Variants in TARM1 observed in about 807,000 individuals in gnomAD.
The protein encoded by TARM1 is T-cell-interacting, activating receptor on myeloid cells protein 1.
TARM1 carries 24 observed loss-of-function variants against 30.4 expected under a neutral mutation model. That is an observed-to-expected ratio of 0.79 (90% CI 0.57 to 1.11). The LOEUF is 1.11. TARM1 is among the 50% of genes least tolerant of loss of function. TARM1 has a pLI of 0.00. For missense variants in TARM1, 323 were observed against 332.8 expected (o/e 0.97, Z 0.23); for synonymous variants, 129 against 138.9 (o/e 0.93, Z 0.50).
rs1196843209 is a variant in TARM1, at chr19:54,070,156, G to A, written c.663C>T (p.Pro221=). The A allele has an allele frequency of 6.4e-7, 1 of 1,551,406 alleles. No homozygotes were observed. Among genetic ancestry groups the A allele is most frequent in the Admixed American group, 2.0e-5 (1 of 50,950 alleles). ...AGTAGTTGCTCGATGTGGTACCTGGGGGAACTGAAAGAGAGAAGGGGCTCA... is the reference window on the plus strand; with the variant it reads ...AGTAGTTGCTCGATGTGGTACCTGGAGGAACTGAAAGAGAGAAGGGGCTCA... ...SDQLEILVTV[P]PGTTSSNYSL... Residue 221 remains proline, a synonymous_variant, in exon 5 of 5, where the codon CCC becomes CCT. Coordinates refer to ENST00000432826, the MANE Select transcript of TARM1 (RefSeq NM_001135686.3).
chr19:54,078,799 G>A (rs587695916), intron 1 of TARM1, among the ~76,000 whole-genome samples: 5 of 152,112 alleles, frequency 3.3e-5, no homozygotes, highest in South Asian at 2.1e-4. Flanking sequence ...CACTGTGCTC[G>A]GCCTACAGTG....
rs1259076400 is a variant in TARM1, at chr19:54,076,278, A to G, written c.35-360T>C. 3 of 1,376,282 alleles carry G rather than the reference A, an allele frequency of 2.2e-6. No individual in the cohort carries two copies. In the Admixed American group the frequency reaches 7.1e-5, roughly 33 times the overall value. 85.3% of individuals were successfully genotyped at this position (1,376,282 alleles called of 1,614,324 possible). A position where few individuals can be genotyped will look rare whatever the true frequency, so the allele number is the denominator to read the frequency against. ...TCTTTCTTTTTTCTTTCTTTCATTCATTCTTTCTTTCATTCATTCCAGAGA... is the reference window on the plus strand; with the variant it reads ...TCTTTCTTTTTTCTTTCTTTCATTCGTTCTTTCTTTCATTCATTCCAGAGA... On this transcript the variant is annotated intron_variant, in intron 1 of 4. Transcript: ENST00000432826.
intron 4 of TARM1, 49 bp downstream of exon 4, chr19:54,073,871 C>G: frequency 1.3e-6 from 2 of 1,514,788 alleles, no homozygotes; most frequent in Non-Finnish European, 1.8e-6. Flanking sequence ...AAAACAATCT[C>G]TGATTAAAAA....
At chr19:54,080,658 A>T (rs1009258830) in intron 1 of TARM1, among the ~76,000 whole-genome samples, 2 of 152,030 alleles carry the variant, frequency 1.3e-5, no homozygotes, top group African/African-American at 4.8e-5. Context: ...TCTATTTGAC[A>T]CTAAATTTTT....
Position 54,081,346 on chromosome 19 carries a change from C to T in TARM1, c.-6G>A, listed in dbSNP as rs1370511571. Reference sequence around the variant, plus strand: ...GAAAGCAGCTTAGGGATCATGATGGCTCCTTAGCCCTCCCAGAGTCCGTCT... The same window carrying T: ...GAAAGCAGCTTAGGGATCATGATGGTTCCTTAGCCCTCCCAGAGTCCGTCT... On this transcript the variant is annotated 5_prime_UTR_variant, in exon 1 of 5. Transcript: ENST00000432826. The T allele has an allele frequency of 5.9e-6, 9 of 1,535,352 alleles. No individual in the cohort carries two copies. Among genetic ancestry groups the T allele is most frequent in the Non-Finnish European group, 7.0e-6 (8 of 1,140,968 alleles).
intron 1 of TARM1, chr19:54,076,150 C>G: frequency 6.7e-7 from 1 of 1,484,516 alleles, no homozygotes; most frequent in South Asian, 1.3e-5. Flanking sequence ...TCACCTCCCC[C>G]TGCTCCAGGC....
chr19:54,079,267 A>G (rs1262151646), intron 1 of TARM1, among the ~76,000 whole-genome samples: 1 of 49,516 alleles, frequency 2.0e-5, no homozygotes, highest in Non-Finnish European at 7.3e-5. Context: ...CCATCTCCGA[A>G]AAAAAAAAAA....
At position 54,070,143 on chromosome 19, in the gene TARM1, A is replaced by G. The variant is rs370973904; in HGVS notation, c.676T>C (p.Ser226Pro). The change falls in exon 5 of 5, where the codon TCG (serine) becomes CCG (proline). Residue 226 changes from serine (S) to proline (P), a missense_variant. Transcript: ENST00000432826. ...AAGTTACCCAGGGAGTAGTTGCTCG[A>G]TGTGGTACCTGGGGGAACTGAAAGA... ...ILVTVPPGTT[S>P]SNYSLGNFVR... 129 of 1,551,584 alleles carry G rather than the reference A, an allele frequency of 8.3e-5. No individual in the cohort carries two copies. Among genetic ancestry groups the G allele is most frequent in the Admixed American group, 2.2e-4 (11 of 50,962 alleles).
chr19:54,080,921 G>C (rs184450617), intron 1 of TARM1, among the ~76,000 whole-genome samples: 7 of 152,124 alleles, frequency 4.6e-5, no homozygotes, highest in African/African-American at 1.2e-4. Context: ...GTGGTGAGCC[G>C]AGATCACGCC....
intron 1 of TARM1, among the ~76,000 whole-genome samples, chr19:54,078,609 C>T (rs1415406131): frequency 6.6e-6 from 1 of 151,870 alleles, no homozygotes; most frequent in Non-Finnish European, 1.5e-5. Flanking sequence ...GAACTCCTTA[C>T]GTCAGGTCAT....
intron 3 of TARM1, 69 bp from the exon 4 acceptor site, chr19:54,074,285 T>C (rs1451693842): frequency 7.1e-7 from 1 of 1,418,188 alleles, no homozygotes; most frequent in Non-Finnish European, 9.6e-7. Context: ...CCTGTTCTCC[T>C]GGCCGGAGGC....
At chr19:54,076,110 G>C in intron 1 of TARM1, 192 bp from the exon 2 acceptor site, 1 of 1,469,754 alleles carries the variant, frequency 6.8e-7, no homozygotes. Context: ...TCCTTTCCCA[G>C]AGATTCTCCT....
chr19:54,080,457 C>CA (rs1246417665), intron 1 of TARM1, among the ~76,000 whole-genome samples: 98 of 6,822 alleles, frequency 0.014, no homozygotes, highest in Middle Eastern at 0.12. Flanking sequence ...GACTCCATCT[C>CA]AAAAAAAAAA....
At chr19:54,070,275 T>C in intron 4 of TARM1, 115 bp from the exon 5 acceptor site, 1 of 1,432,692 alleles carries the variant, frequency 7.0e-7, no homozygotes, top group Non-Finnish European at 9.2e-7. Context: ...TTTGGTTTTT[T>C]TTTTTGAGAC....
chr19:54,079,831 C>T (rs1197840373), intron 1 of TARM1, among the ~76,000 whole-genome samples: 1 of 151,714 alleles, frequency 6.6e-6, no homozygotes, highest in Non-Finnish European at 1.5e-5. Flanking sequence ...GATGAAACCC[C>T]GTCTCTACTA....
rs2071767772 is a variant in TARM1, at chr19:54,070,002, G to A, written c.*1C>T. ...TTACCCAGCCCCGGTTCAAGATGGA[G>A]TCACTCTGGTTTGAAGGCCTCTGAT... On this transcript the variant is annotated 3_prime_UTR_variant, in exon 5 of 5. Transcript: ENST00000432826. 6.4e-7 allele frequency: 1 copy of A among 1,550,620 alleles called. No individual in the cohort carries two copies.
At chr19:54,078,178 C>CTTTTT (rs869101071) in intron 1 of TARM1, among the ~76,000 whole-genome samples, 19 of 67,782 alleles carry the variant, frequency 2.8e-4, no homozygotes, top group Admixed American at 1.3e-3. Context: ...TTCTTTCTTT[C>CTTTTT]TTTTTTTTTT....
intron 2 of TARM1, among the ~76,000 whole-genome samples, chr19:54,075,346 C>G (rs1264761898): frequency 1.3e-5 from 2 of 151,790 alleles, no homozygotes; most frequent in East Asian, 4.0e-4. Context: ...CACCACCACA[C>G]CCAGCTAATT....
intron 1 of TARM1, chr19:54,076,498 G>A: frequency 2.6e-6 from 1 of 382,316 alleles, no homozygotes; most frequent in Non-Finnish European, 4.7e-6. Flanking sequence ...AAATAGCTGG[G>A]ATCACAGGCA....
Sources: allele counts gnomAD v4.1 joint callset (sites outside exome capture counted in the v4.1 genomes callset), GRCh38; gene constraint gnomAD v4.1.1; transcripts MANE v1.5; gene names NCBI Gene and HGNC (gene_info 2026-07-23, HGNC 2026-07-21).